UEVLD: variants seen among roughly 807,000 people sequenced by gnomAD.
UEVLD encodes the protein UEV and lactate/malate dehyrogenase domains.
In UEVLD, 47 loss-of-function variants were observed where a neutral mutation model predicts 58.6. The observed-to-expected ratio is 0.80, with a 90% CI of 0.63 to 1.02. The LOEUF (loss-of-function observed/expected upper bound fraction) is 1.02, where lower values mean the gene tolerates loss of function less well. UEVLD is among the 50% of genes least tolerant of loss of function. The pLI is 0.00. For synonymous variants in UEVLD, 197 were observed against 195.3 expected, an observed-to-expected ratio of 1.01 and a Z score of -0.07; for missense variants, 510 against 550.6, an observed-to-expected ratio of 0.93 and a Z score of 0.74.
At chr11:18,544,356 T>G (rs1056227648) in intron 9 of UEVLD, among the ~76,000 whole-genome samples, 1 of 152,198 alleles carries the variant, frequency 6.6e-6, no homozygotes, top group Non-Finnish European at 1.5e-5. Context: ...TCACCCAGGC[T>G]TGAATGCAGT....
chr11:18,532,585 G>T, intron 11 of UEVLD, 98 bp from the exon 12 acceptor site: 1 of 1,065,942 alleles, frequency 9.4e-7, no homozygotes, highest in Non-Finnish European at 1.3e-6. Flanking sequence ...AGGACAAAGT[G>T]ATACAAGTTG....
intron 6 of UEVLD, among the ~76,000 whole-genome samples, chr11:18,561,414 C>T (rs1012321213): frequency 2.0e-5 from 3 of 151,088 alleles, no homozygotes; most frequent in African/African-American, 7.3e-5. Flanking sequence ...CCTACCAACA[C>T]AGTGAAATCC....
intron 11 of UEVLD, 120 bp from the exon 12 acceptor site, chr11:18,532,607 AT>A (rs1294150648): frequency 3.6e-5 from 28 of 781,766 alleles, no homozygotes; most frequent in Middle Eastern, 4.1e-4. Flanking sequence ...ACTTAAAAAA[AT>A]TTTTTTGTTC....
intron 9 of UEVLD, among the ~76,000 whole-genome samples, chr11:18,541,254 G>T (rs1851040801): frequency 6.6e-6 from 1 of 152,116 alleles, no homozygotes. Context: ...GTAAATTATG[G>T]TATATCCAGT....
At chr11:18,572,887 T>G (rs1197589640) in intron 3 of UEVLD, among the ~76,000 whole-genome samples, 1 of 152,014 alleles carries the variant, frequency 6.6e-6, no homozygotes, top group East Asian at 1.9e-4. Context: ...CCAGGCACTA[T>G]GCCCAGAGCT....
chr11:18,586,822 T>C (rs1464001057), intron 1 of UEVLD, among the ~76,000 whole-genome samples: 1 of 152,116 alleles, frequency 6.6e-6, no homozygotes, highest in Non-Finnish European at 1.5e-5. Flanking sequence ...TTATTAATAA[T>C]AAGCTACCCC....
chr11:18,575,055 T>TA (rs1852829176), intron 3 of UEVLD, among the ~76,000 whole-genome samples: 1 of 152,172 alleles, frequency 6.6e-6, no homozygotes, highest in East Asian at 1.9e-4. Context: ...TACAGCTTCC[T>TA]AGTGTCTTTT....
Position 18,584,385 on chromosome 11 carries a change from T to C in UEVLD, c.42+4228A>G, listed in dbSNP as rs540779938. Among the ~76,000 whole-genome samples, 6 of 151,880 alleles carry C rather than the reference T, an allele frequency of 4.0e-5. No homozygotes were observed. The South Asian group carries it at 1.3e-3, about 32-fold the overall frequency. On this transcript the variant is annotated intron_variant, in intron 1 of 11. Coordinates refer to ENST00000396197, the MANE Select transcript of UEVLD (RefSeq NM_001040697.4). ...GAGACGGAGCAAGGCTCTGTCTCTT[T>C]AAAAAAAAGAAAAAGCACACGCTTT...
intron 11 of UEVLD, 137 bp from the exon 12 acceptor site, chr11:18,532,624 C>T (rs1286679629): frequency 4.8e-6 from 3 of 627,068 alleles, no homozygotes; most frequent in East Asian, 3.3e-5. Context: ...TGTTCATTTA[C>T]TTATTTTATT....
chr11:18,537,523 AT>A (rs1447643039), intron 9 of UEVLD, among the ~76,000 whole-genome samples: 1 of 150,154 alleles, frequency 6.7e-6, no homozygotes. Flanking sequence ...TAGAGATGGG[AT>A]TTTGCCATGT....
chr11:18,560,004 C>T (rs1481775342), intron 6 of UEVLD, among the ~76,000 whole-genome samples: 1 of 150,754 alleles, frequency 6.6e-6, no homozygotes, highest in African/African-American at 2.4e-5. Context: ...CACCTGTAAT[C>T]CCAGCAGTTT....
chr11:18,557,583 C>T (rs529495593), intron 7 of UEVLD, among the ~76,000 whole-genome samples: 3 of 145,224 alleles, frequency 2.1e-5, no homozygotes, highest in South Asian at 2.2e-4. Flanking sequence ...GACAGGGTCT[C>T]GATATGTTGC....
chr11:18,544,106 T>A (rs1331699206), intron 9 of UEVLD, among the ~76,000 whole-genome samples: 1 of 152,220 alleles, frequency 6.6e-6, no homozygotes, highest in Non-Finnish European at 1.5e-5. Context: ...AAAATCCTAC[T>A]AAGCGGTCTT....
chr11:18,573,768 G>C (rs533455886), intron 3 of UEVLD, among the ~76,000 whole-genome samples: 1 of 152,164 alleles, frequency 6.6e-6, no homozygotes, highest in African/African-American at 2.4e-5. Context: ...CTGGGGGTGG[G>C]GAGTGGGGAA....
chr11:18,564,911 G>C lies in UEVLD; in HGVS notation c.593C>G (p.Thr198Arg). The C allele has an allele frequency of 6.2e-7, 1 of 1,611,406 alleles. No individual in the cohort carries two copies. The highest frequency in any genetic ancestry group is 8.5e-7 in the Non-Finnish European group (1 of 1,178,298). Reference sequence around the variant, plus strand: ...ACATACCTTTGCTGAAATTGCTAATGTGCAGGCAATACCGAGTTCTCCACC... The same window carrying C: ...ACATACCTTTGCTGAAATTGCTAATCTGCAGGCAATACCGAGTTCTCCACC... Reference protein sequence around the residue: ...VGGGELGIACTLAISAKGIAD... With the variant: ...VGGGELGIACRLAISAKGIAD... Residue 198 changes from threonine (T) to arginine (R), a missense_variant, in exon 6 of 12, where the codon ACA (threonine) becomes AGA (arginine). Coordinates refer to ENST00000396197, the MANE Select transcript of UEVLD (RefSeq NM_001040697.4).
At chr11:18,548,550 C>T (rs752298807) in intron 7 of UEVLD, among the ~76,000 whole-genome samples, 6 of 152,174 alleles carry the variant, frequency 3.9e-5, no homozygotes, top group Non-Finnish European at 7.3e-5. Context: ...GCCTCAGCCT[C>T]CCAAGTAGCT....
rs765199907 is a variant in UEVLD at position 18,564,916 on chromosome 11, G to A, written c.588C>T (p.Ala196=). The A allele has an allele frequency of 4.3e-6, 7 of 1,612,968 alleles. No individual in the cohort carries two copies. The African/African-American group carries it at 9.4e-5, about 22-fold the overall frequency. Residue 196 remains alanine, a synonymous_variant, in exon 6 of 12, where the codon GCC becomes GCT. Coordinates refer to ENST00000396197, the MANE Select transcript of UEVLD (RefSeq NM_001040697.4). ...TVVGGGELGI[A]CTLAISAKGI... ...CCTTTGCTGAAATTGCTAATGTGCA[G>A]GCAATACCGAGTTCTCCACCTCCAA...
chr11:18,549,137 A>G (rs1851422776), intron 7 of UEVLD, among the ~76,000 whole-genome samples: 1 of 152,240 alleles, frequency 6.6e-6, no homozygotes. Context: ...GCTGAAGTGT[A>G]GAGCCAGAGG....
At chr11:18,569,484 A>G (rs1034163421) in intron 4 of UEVLD, among the ~76,000 whole-genome samples, 2 of 152,226 alleles carry the variant, frequency 1.3e-5, no homozygotes, top group Non-Finnish European at 2.9e-5. Context: ...TTCTACTCCA[A>G]GAGATTTATC....
Sources: allele counts gnomAD v4.1 joint callset (sites outside exome capture counted in the v4.1 genomes callset), GRCh38; gene constraint gnomAD v4.1.1; transcripts MANE v1.5; gene names NCBI Gene and HGNC (gene_info 2026-07-23, HGNC 2026-07-21).